XKR9: variants seen among roughly 807,000 people sequenced by gnomAD.
XKR9 encodes XK-related protein 9.
In XKR9, 32 loss-of-function variants were observed where a neutral mutation model predicts 32.0. The observed-to-expected ratio is 1.00, with a 90% CI of 0.76 to 1.34. The LOEUF (loss-of-function observed/expected upper bound fraction) is 1.34. Ranked by LOEUF, XKR9 falls within the 40% of genes most tolerant of loss-of-function variation. The pLI, the probability that XKR9 is intolerant of heterozygous loss-of-function variation, is 0.00. For missense variants in XKR9, 546 were observed against 429.7 expected, an observed-to-expected ratio of 1.27 and a Z score of -2.39; for synonymous variants, 168 against 143.4, an observed-to-expected ratio of 1.17 and a Z score of -1.22.
Position 70,715,598 on chromosome 8 carries a change from C to T in XKR9, c.493+8445C>T, listed in dbSNP as rs147067635. On this transcript the variant is annotated intron_variant, in intron 4 of 4. Coordinates refer to ENST00000408926, the MANE Select transcript of XKR9 (RefSeq NM_001011720.2). ...AAATCACCAAAGAATAAAAACAGGGCATATAATTAAATGATATGGGTTATT... is the reference window on the plus strand; with the variant it reads ...AAATCACCAAAGAATAAAAACAGGGTATATAATTAAATGATATGGGTTATT... Among the ~76,000 whole-genome samples the T allele has an allele frequency of 1.7e-3, 256 of 151,810 alleles. 1 individual carries two copies. Among genetic ancestry groups the T allele is most frequent in the Middle Eastern group, 3.4e-3 (1 of 294 alleles).
the XKR9 span, among the ~76,000 whole-genome samples, chr8:71,031,796 A>G: frequency 1.3e-5 from 2 of 152,214 alleles, no homozygotes; most frequent in Admixed American, 6.5e-5. Flanking sequence ...TTATACAACC[A>G]ATTTACATTT....
At chr8:71,050,765 G>C in the XKR9 span, among the ~76,000 whole-genome samples, 7 of 152,272 alleles carry the variant, frequency 4.6e-5, no homozygotes, top group South Asian at 8.3e-4. Flanking sequence ...GAAATCTACT[G>C]CACTTAGCCC....
At chr8:70,758,774 C>G (rs377223874) in intron 2 of XKR9, among the ~76,000 whole-genome samples, 2 of 152,272 alleles carry the variant, frequency 1.3e-5, no homozygotes, top group African/African-American at 4.8e-5. Flanking sequence ...TTTAAATTGT[C>G]ACTCAGTGTT....
chr8:70,777,908 G>A (rs138844833), intron 2 of XKR9, among the ~76,000 whole-genome samples: 1,759 of 152,208 alleles, frequency 0.012, 32 homozygotes, highest in African/African-American at 0.038. Flanking sequence ...TAGGTTGCCT[G>A]TTCATTCTGA....
chr8:70,898,081 T>C, the XKR9 span, among the ~76,000 whole-genome samples: 5 of 152,330 alleles, frequency 3.3e-5, no homozygotes, highest in African/African-American at 7.2e-5. Context: ...TTTGATTTGA[T>C]TTTTGTATAT....
chr8:71,032,281 C>CAAAAAAAAAA, the XKR9 span, among the ~76,000 whole-genome samples: 1 of 73,208 alleles, frequency 1.4e-5, no homozygotes, highest in Admixed American at 1.9e-4. Flanking sequence ...GAGACTCTGT[C>CAAAAAAAAAA]AAAAAAAAAA....
the XKR9 span, among the ~76,000 whole-genome samples, chr8:70,871,883 A>G: frequency 6.6e-6 from 1 of 152,240 alleles, no homozygotes; most frequent in African/African-American, 2.4e-5. Context: ...GAATGCAAAG[A>G]AAGTTCTAGT....
the XKR9 span, among the ~76,000 whole-genome samples, chr8:70,858,400 A>T: frequency 6.6e-6 from 1 of 152,184 alleles, no homozygotes; most frequent in African/African-American, 2.4e-5. Flanking sequence ...CTAGGAATCC[A>T]ACTTACAAGA....
At chr8:70,812,480 G>T in the XKR9 span, among the ~76,000 whole-genome samples, 17 of 152,222 alleles carry the variant, frequency 1.1e-4, no homozygotes, top group East Asian at 1.7e-3. Flanking sequence ...GATATTCAAT[G>T]AGGAAAAGAG....
intron 4 of XKR9, among the ~76,000 whole-genome samples, chr8:70,710,970 A>G (rs552872612): frequency 6.6e-6 from 1 of 152,322 alleles, no homozygotes; most frequent in South Asian, 2.1e-4. Flanking sequence ...TGGACAAAGG[A>G]CATGAACAGA....
At chr8:71,006,677 A>G in the XKR9 span, among the ~76,000 whole-genome samples, 1 of 152,188 alleles carries the variant, frequency 6.6e-6, no homozygotes, top group Non-Finnish European at 1.5e-5. Flanking sequence ...ATCTGGCTCC[A>G]TGGTAAGAAA....
intron 3 of XKR9, 114 bp from the exon 4 acceptor site, chr8:70,706,819 T>C: frequency 1.1e-6 from 1 of 876,588 alleles, no homozygotes; most frequent in Non-Finnish European, 1.7e-6. Flanking sequence ...AGAGAGTTTG[T>C]GGAAAAACTG....
At chr8:70,875,600 CT>C in the XKR9 span, among the ~76,000 whole-genome samples, 1 of 152,092 alleles carries the variant, frequency 6.6e-6, no homozygotes, top group African/African-American at 2.4e-5. Flanking sequence ...TGGTTAATAT[CT>C]GCCAAGGGAG....
chr8:70,940,678 T>A, the XKR9 span, among the ~76,000 whole-genome samples: 1 of 152,152 alleles, frequency 6.6e-6, no homozygotes, highest in Admixed American at 6.6e-5. Context: ...GACTAAAATA[T>A]GATTGTTGAT....
chr8:71,030,198 G>C, the XKR9 span, among the ~76,000 whole-genome samples: 9 of 152,050 alleles, frequency 5.9e-5, no homozygotes, highest in Non-Finnish European at 1.3e-4. Context: ...CACTGATAAA[G>C]AAAAATGGGT....
chr8:70,786,835 C>T (rs1807695039), intron 2 of XKR9, among the ~76,000 whole-genome samples: 1 of 152,034 alleles, frequency 6.6e-6, no homozygotes, highest in African/African-American at 2.4e-5. Flanking sequence ...TTTGGATATA[C>T]ATTTGTTCTT....
intron 2 of XKR9, among the ~76,000 whole-genome samples, chr8:70,769,115 G>A (rs941348563): frequency 1.7e-4 from 26 of 152,162 alleles, no homozygotes; most frequent in African/African-American, 5.8e-4. Context: ...CTCTTGTAAG[G>A]CAGGCCTGGT....
At chr8:70,688,741 G>T (rs1819404264) in intron 3 of XKR9, among the ~76,000 whole-genome samples, 1 of 149,290 alleles carries the variant, frequency 6.7e-6, no homozygotes, top group African/African-American at 2.5e-5. Flanking sequence ...AAATTGATTG[G>T]AAAAAAAAGG....
the XKR9 span, among the ~76,000 whole-genome samples, chr8:70,812,665 C>T: frequency 2.6e-5 from 4 of 152,030 alleles, no homozygotes; most frequent in Admixed American, 2.6e-4. Context: ...AACAGAGAGC[C>T]AAATCATGAG....
Sources: gnomAD v4.1 joint callset for allele counts (sites outside exome capture counted in the v4.1 genomes callset) on GRCh38, gnomAD v4.1.1 for gene constraint, MANE v1.5 for transcripts, NCBI Gene and HGNC (gene_info 2026-07-23, HGNC 2026-07-21) for gene names.